Variants in NEGR1 observed in about 807,000 individuals in gnomAD.
NEGR1 encodes the protein IgLON family member 4.
In NEGR1, 10 loss-of-function variants were observed where a neutral mutation model predicts 40.9. The ratio of observed to expected loss-of-function variants is 0.24; its 90% CI spans 0.15 to 0.42. The LOEUF (loss-of-function observed/expected upper bound fraction) is 0.42. Among genes scored for constraint, NEGR1 ranks in the 10% least tolerant of loss-of-function variants. NEGR1 has a pLI of 1.00. For missense variants in NEGR1, 352 were observed against 438.9 expected, an observed-to-expected ratio of 0.80 and a Z score of 1.77; for synonymous variants, 185 against 166.8, an observed-to-expected ratio of 1.11 and a Z score of -0.84.
Position 72,080,358 on chromosome 1 carries a change from A to G in NEGR1, c.177-145047T>C, listed in dbSNP as rs1056014171. On this transcript the variant is annotated intron_variant, in intron 1 of 6. Transcript: ENST00000357731. ...GACAAAAGTCTCATTCCAGAAATAT[A>G]TCTTCCAGATTTATCGTATTATTTA... Among the ~76,000 whole-genome samples, 4 of 152,220 alleles carry G rather than the reference A, an allele frequency of 2.6e-5. No homozygotes were observed. The East Asian group carries it at 7.7e-4, about 29-fold the overall frequency.
chr1:71,504,398 G>A (rs1053104481), intron 6 of NEGR1, among the ~76,000 whole-genome samples: 2 of 151,996 alleles, frequency 1.3e-5, no homozygotes, highest in Non-Finnish European at 2.9e-5. Context: ...CCCCTCACAG[G>A]AGACAAAGGA....
chr1:72,063,488 A>G (rs920166410), intron 1 of NEGR1, among the ~76,000 whole-genome samples: 1 of 151,932 alleles, frequency 6.6e-6, no homozygotes, highest in Non-Finnish European at 1.5e-5. Flanking sequence ...AACGGCAAAA[A>G]CAGCAATTAC....
intron 4 of NEGR1, among the ~76,000 whole-genome samples, chr1:71,632,507 T>G (rs2101565699): frequency 6.6e-6 from 1 of 151,010 alleles, no homozygotes; most frequent in African/African-American, 2.4e-5. Flanking sequence ...TTAGTACTAT[T>G]TAATAATAAA....
intron 6 of NEGR1, among the ~76,000 whole-genome samples, chr1:71,460,215 A>G (rs1297709697): frequency 6.6e-6 from 1 of 152,216 alleles, no homozygotes; most frequent in Non-Finnish European, 1.5e-5. Context: ...ATCAATACCA[A>G]TAGCATTTCT....
chr1:71,613,018 C>T (rs943564154), intron 4 of NEGR1, among the ~76,000 whole-genome samples: 1 of 152,098 alleles, frequency 6.6e-6, no homozygotes, highest in Non-Finnish European at 1.5e-5. Flanking sequence ...TGGTGAGTCC[C>T]TGCAGAGTAC....
At chr1:71,956,928 A>G (rs113743473) in intron 1 of NEGR1, among the ~76,000 whole-genome samples, 11 of 152,246 alleles carry the variant, frequency 7.2e-5, no homozygotes, top group South Asian at 4.1e-4. Flanking sequence ...CCATGAAACT[A>G]CTTCCCTGGG....
chr1:71,585,688 C>CTTTTT (rs563536438), intron 6 of NEGR1, among the ~76,000 whole-genome samples: 1 of 112,590 alleles, frequency 8.9e-6, no homozygotes, highest in Non-Finnish European at 1.8e-5. Flanking sequence ...ACCTCTCCAT[C>CTTTTT]TTTTTTTTTT....
chr1:71,422,767 A>T (rs969950791), intron 6 of NEGR1: 1 of 152,206 alleles, frequency 6.6e-6, no homozygotes, highest in Non-Finnish European at 1.5e-5. Context: ...AGGATATTGA[A>T]ACTTGAAGAA....
At chr1:72,034,410 T>C (rs929325864) in intron 1 of NEGR1, among the ~76,000 whole-genome samples, 1 of 152,204 alleles carries the variant, frequency 6.6e-6, no homozygotes, top group African/African-American at 2.4e-5. Flanking sequence ...TTTACTTCTT[T>C]GCTTGCTACT....
intron 1 of NEGR1, among the ~76,000 whole-genome samples, chr1:72,267,594 G>C (rs1655690734): frequency 6.6e-6 from 1 of 151,216 alleles, no homozygotes; most frequent in Non-Finnish European, 1.5e-5. Flanking sequence ...AATTGCTAGA[G>C]AGAAGTGTCA....
intron 1 of NEGR1, among the ~76,000 whole-genome samples, chr1:72,194,784 G>A (rs369610114): frequency 1.1e-4 from 16 of 152,156 alleles, no homozygotes; most frequent in African/African-American, 3.9e-4. Flanking sequence ...TCACATGAAA[G>A]GCAAAAGTAG....
intron 2 of NEGR1, among the ~76,000 whole-genome samples, chr1:71,837,287 C>T (rs796221362): frequency 1.1e-4 from 17 of 152,164 alleles, no homozygotes; most frequent in African/African-American, 3.9e-4. Context: ...ATATCATCCT[C>T]GTTCCTAACA....
intron 4 of NEGR1, among the ~76,000 whole-genome samples, chr1:71,696,404 C>T (rs1435939136): frequency 2.6e-5 from 4 of 151,684 alleles, no homozygotes; most frequent in South Asian, 2.1e-4. Context: ...TCAGAGACAT[C>T]GTTTTAAAGA....
At position 71,720,407 on chromosome 1, in the gene NEGR1, T is replaced by C. The variant is rs148189899; in HGVS notation, c.536-22268A>G. 9.8e-5 allele frequency among the ~76,000 whole-genome samples: 15 copies of C among 152,292 alleles called. No individual in the cohort carries two copies. The East Asian group carries it at 2.7e-3, about 27-fold the overall frequency. On this transcript the variant is annotated intron_variant, in intron 3 of 6. Coordinates refer to ENST00000357731, the MANE Select transcript of NEGR1 (RefSeq NM_173808.3). ...CATACATATGCATGGGTGATGGGCA[T>C]CAAAAGCTTCATCAGCTATCAAATA...
chr1:71,987,141 C>G (rs1570581205), intron 1 of NEGR1, among the ~76,000 whole-genome samples: 3 of 152,010 alleles, frequency 2.0e-5, no homozygotes. Flanking sequence ...AACAGTATAC[C>G]TTTATTAGCC....
rs60830449 is a variant in NEGR1, at chr1:71,771,699, CAAAAAAA to C, written c.535+4466_535+4472del. On this transcript the variant is annotated intron_variant, in intron 3 of 6. Coordinates refer to ENST00000357731, the MANE Select transcript of NEGR1 (RefSeq NM_173808.3). ...GGGTAACAAAAGCAAGACTTAGTCT[CAAAAAAA>C]AAAAAAAAAAAAAAAAGGTGTGAAT... 1.7e-4 allele frequency among the ~76,000 whole-genome samples: 2 copies of C among 12,098 alleles called. 1 individual carries two copies. Among genetic ancestry groups the C allele is most frequent in the Admixed American group, 3.8e-3 (2 of 530 alleles). 7.9% of individuals were successfully genotyped at this position (12,098 alleles called of 152,430 possible).
At chr1:71,690,817 A>G (rs1653253044) in intron 4 of NEGR1, among the ~76,000 whole-genome samples, 1 of 151,842 alleles carries the variant, frequency 6.6e-6, no homozygotes. Flanking sequence ...TATTCCTATT[A>G]CTTCATGTAT....
intron 1 of NEGR1, among the ~76,000 whole-genome samples, chr1:72,162,486 G>A (rs1016335073): frequency 6.6e-6 from 1 of 151,668 alleles, no homozygotes; most frequent in Non-Finnish European, 1.5e-5. Context: ...ACAAACAAAA[G>A]AAAAACAAAC....
At chr1:71,627,553 G>A (rs952462600) in intron 4 of NEGR1, among the ~76,000 whole-genome samples, 3 of 151,930 alleles carry the variant, frequency 2.0e-5, no homozygotes, top group Non-Finnish European at 2.9e-5. Flanking sequence ...TTAGTGACAT[G>A]TAACAATTAT....
Sources: allele counts gnomAD v4.1 joint callset (sites outside exome capture counted in the v4.1 genomes callset), GRCh38; gene constraint gnomAD v4.1.1; transcripts MANE v1.5; gene names NCBI Gene and HGNC (gene_info 2026-07-23, HGNC 2026-07-21).